ST6GALNAC3: variants seen among roughly 807,000 people sequenced by gnomAD.
The protein encoded by ST6GALNAC3 is alpha-N-acetylgalactosaminide alpha-2,6-sialyltransferase 3.
ST6GALNAC3 carries 25 observed loss-of-function variants against 32.7 expected under a neutral mutation model. The observed-to-expected ratio is 0.76, with a 90% confidence interval of 0.56 to 1.07. ST6GALNAC3 has a LOEUF of 1.07. Ranked by LOEUF, ST6GALNAC3 falls within the 50% of genes least tolerant of loss-of-function variation. The pLI is 0.00. For synonymous variants in ST6GALNAC3, 129 were observed against 133.1 expected (o/e 0.97, Z 0.21); for missense variants, 355 against 382.4 (o/e 0.93, Z 0.60).
intron 2 of ST6GALNAC3, among the ~76,000 whole-genome samples, chr1:76,347,702 G>A (rs1648635858): frequency 6.6e-6 from 1 of 152,086 alleles, no homozygotes; most frequent in Admixed American, 6.6e-5. Context: ...ATAACATAGT[G>A]TTTAAGATCA....
chr1:76,156,869 CT>C (rs1651471365), intron 1 of ST6GALNAC3, among the ~76,000 whole-genome samples: 1 of 152,126 alleles, frequency 6.6e-6, no homozygotes, highest in African/African-American at 2.4e-5. Context: ...GTAGCTGGGA[CT>C]ACAGGCGCCC....
At chr1:76,507,519 A>G (rs561979743) in intron 3 of ST6GALNAC3, among the ~76,000 whole-genome samples, 4 of 152,320 alleles carry the variant, frequency 2.6e-5, no homozygotes, top group East Asian at 1.9e-4. Flanking sequence ...TGGCTATTCC[A>G]TATAAATGCA....
chr1:76,599,319 T>G (rs1157342205), intron 3 of ST6GALNAC3, among the ~76,000 whole-genome samples: 1 of 152,170 alleles, frequency 6.6e-6, no homozygotes, highest in Non-Finnish European at 1.5e-5. Flanking sequence ...CTGGGATACA[T>G]ATGCAGAACG....
chr1:76,250,277 A>G (rs1285834190), intron 1 of ST6GALNAC3, among the ~76,000 whole-genome samples: 4 of 152,218 alleles, frequency 2.6e-5, no homozygotes, highest in African/African-American at 7.2e-5. Flanking sequence ...TGGCTTCCAG[A>G]CAAAGTTTTG....
intron 1 of ST6GALNAC3, among the ~76,000 whole-genome samples, chr1:76,308,325 C>G (rs530965824): frequency 6.6e-6 from 1 of 152,054 alleles, no homozygotes; most frequent in Non-Finnish European, 1.5e-5. Flanking sequence ...GTACTGTGTT[C>G]TGCATTTTCC....
intron 2 of ST6GALNAC3, among the ~76,000 whole-genome samples, chr1:76,387,270 T>C (rs982652012): frequency 3.1e-4 from 47 of 152,272 alleles, no homozygotes; most frequent in African/African-American, 1.1e-3. Context: ...GTAAGCTCCC[T>C]GAGGACAGGG....
At chr1:76,478,270 AC>A (rs1659481272) in intron 3 of ST6GALNAC3, among the ~76,000 whole-genome samples, 1 of 152,072 alleles carries the variant, frequency 6.6e-6, no homozygotes, top group Non-Finnish European at 1.5e-5. Flanking sequence ...TGCCTCACTC[AC>A]CTTGCAGTTG....
chr1:76,554,139 A>G (rs1408560375), intron 3 of ST6GALNAC3, among the ~76,000 whole-genome samples: 1 of 152,202 alleles, frequency 6.6e-6, no homozygotes, highest in Non-Finnish European at 1.5e-5. Context: ...AGGGAGAAAG[A>G]TACGGAACTC....
Position 76,297,609 on chromosome 1 carries a change from T to C in ST6GALNAC3, c.19-16196T>C, listed in dbSNP as rs77566458. ...ACATCACCAGTTACTAGCTGTTAAT[T>C]TGAGCAAATCATTCATCTTTTTAAT... is the stretch of plus-strand genomic sequence containing the variant. On this transcript the variant is annotated intron_variant, in intron 1 of 4. Coordinates refer to ENST00000328299, the MANE Select transcript of ST6GALNAC3 (RefSeq NM_152996.4). Among the ~76,000 whole-genome samples the C allele has an allele frequency of 8.3e-3, 1,268 of 152,158 alleles. 23 individuals are homozygous for C. Among genetic ancestry groups the C allele is most frequent in the East Asian group, 0.036 (184 of 5,174 alleles).
intron 1 of ST6GALNAC3, among the ~76,000 whole-genome samples, chr1:76,210,019 A>AGGT (rs1333567952): frequency 6.6e-6 from 1 of 150,786 alleles, no homozygotes; most frequent in Non-Finnish European, 1.5e-5. Flanking sequence ...TGCCCATAAC[A>AGGT]GGTCCACTTG....
At chr1:76,621,938 A>C (rs1031842587) in intron 3 of ST6GALNAC3, among the ~76,000 whole-genome samples, 36 of 152,026 alleles carry the variant, frequency 2.4e-4, no homozygotes, top group African/African-American at 8.5e-4. Flanking sequence ...ATATTGATTA[A>C]TTCTTCTTTT....
rs560195970 is a variant in ST6GALNAC3 at position 76,431,438 on chromosome 1, A to C, written c.623+19021A>C. 2.2e-3 allele frequency among the ~76,000 whole-genome samples: 341 copies of C among 152,308 alleles called. 1 individual carries two copies. Among genetic ancestry groups the C allele is most frequent in the African/African-American group, 7.9e-3 (328 of 41,576 alleles). ...AAAAAATAAAATTCAAGACAAATCC[A>C]CCTGAATTTTGTAGCTCTTCATTTC... is the stretch of plus-strand genomic sequence containing the variant. On this transcript the variant is annotated intron_variant, in intron 3 of 4. Coordinates refer to ENST00000328299, the MANE Select transcript of ST6GALNAC3 (RefSeq NM_152996.4).
chr1:76,281,395 C>T (rs556165510), intron 1 of ST6GALNAC3, among the ~76,000 whole-genome samples: 4 of 152,298 alleles, frequency 2.6e-5, no homozygotes, highest in East Asian at 1.9e-4. Context: ...CTGAGAGAGC[C>T]GTTGGATTGC....
chr1:76,312,637 C>T (rs187400448), intron 1 of ST6GALNAC3, among the ~76,000 whole-genome samples: 271 of 152,006 alleles, frequency 1.8e-3, no homozygotes, highest in Non-Finnish European at 2.5e-3. Context: ...AGGATATGAA[C>T]AGACATTTCT....
chr1:76,524,479 A>G (rs1217096994), intron 3 of ST6GALNAC3, among the ~76,000 whole-genome samples: 1 of 152,136 alleles, frequency 6.6e-6, no homozygotes, highest in Non-Finnish European at 1.5e-5. Flanking sequence ...TATGATATAC[A>G]TTTCTTAAAG....
At position 76,524,056 on chromosome 1, in the gene ST6GALNAC3, A is replaced by G. The variant is rs529875825; in HGVS notation, c.624-103396A>G. ...CTTATTATCTACAACTATCTATTGC[A>G]TACCTTTAAACAGATGATTTTTGTG... is the stretch of plus-strand genomic sequence containing the variant. On this transcript the variant is annotated intron_variant, in intron 3 of 4. Transcript: ENST00000328299. 9.8e-5 allele frequency among the ~76,000 whole-genome samples: 15 copies of G among 152,290 alleles called. No individual in the cohort carries two copies. In the South Asian group the frequency reaches 2.9e-3, roughly 29 times the overall value.
At chr1:76,235,158 G>C (rs1656577535) in intron 1 of ST6GALNAC3, among the ~76,000 whole-genome samples, 1 of 152,120 alleles carries the variant, frequency 6.6e-6, no homozygotes, top group Non-Finnish European at 1.5e-5. Flanking sequence ...AAGGAAAAAA[G>C]GATTACTCCC....
intron 1 of ST6GALNAC3, among the ~76,000 whole-genome samples, chr1:76,259,574 A>G (rs544858): frequency 0.49 from 74,172 of 152,028 alleles, 20,649 homozygotes; most frequent in African/African-American, 0.76. Context: ...TGTTGAATAC[A>G]CCCATCAGTT....
chr1:76,344,192 C>T (rs1648300809), intron 2 of ST6GALNAC3, among the ~76,000 whole-genome samples: 1 of 152,144 alleles, frequency 6.6e-6, no homozygotes, highest in Non-Finnish European at 1.5e-5. Context: ...GAGATTTAAT[C>T]TGAGAGCTGA....
Sources: allele counts gnomAD v4.1 joint callset (sites outside exome capture counted in the v4.1 genomes callset), GRCh38; gene constraint gnomAD v4.1.1; transcripts MANE v1.5; gene names NCBI Gene and HGNC (gene_info 2026-07-23, HGNC 2026-07-21).